The following ULK4 variants were observed in gnomAD, a reference collection of about 807,000 sequenced individuals.
The protein encoded by ULK4 is inactive serine/threonine-protein kinase ULK4.
Under a neutral mutation model 160.6 loss-of-function variants are expected in ULK4, and 133 were observed. That is an observed-to-expected ratio of 0.83 (90% confidence interval 0.72 to 0.96). The LOEUF is 0.96. Among genes scored for constraint, ULK4 ranks in the 40% least tolerant of loss-of-function variants. The pLI is 0.00. For missense variants in ULK4, 1,580 were observed against 1,499.5 expected (o/e 1.05, Z -0.89); for synonymous variants, 534 against 539.8 (o/e 0.99, Z 0.15).
At chr3:41,699,895 T>C (rs2036615940) in intron 27 of ULK4, among the ~76,000 whole-genome samples, 1 of 152,244 alleles carries the variant, frequency 6.6e-6, no homozygotes, top group Non-Finnish European at 1.5e-5. Context: ...ATAATTAGTA[T>C]GCTTGCATTT....
At chr3:41,540,266 T>C (rs11919720) in intron 32 of ULK4, among the ~76,000 whole-genome samples, 77,593 of 151,734 alleles carry the variant, frequency 0.51, 19,945 homozygotes, top group Middle Eastern at 0.57. Context: ...TCAACTCCCA[T>C]TTATGAGTGA....
chr3:41,668,049 G>T (rs928209823), intron 29 of ULK4, among the ~76,000 whole-genome samples: 12 of 152,182 alleles, frequency 7.9e-5, no homozygotes, highest in Non-Finnish European at 4.4e-5. Flanking sequence ...TGAGGTATGT[G>T]ATGAAACAAT....
chr3:41,269,591 G>A (rs1267736560), intron 35 of ULK4, among the ~76,000 whole-genome samples: 1 of 152,198 alleles, frequency 6.6e-6, no homozygotes, highest in Non-Finnish European at 1.5e-5. Flanking sequence ...TGAAACATGA[G>A]TTAAGGTCAT....
At chr3:41,497,889 TA>T (rs1376632798) in intron 32 of ULK4, among the ~76,000 whole-genome samples, 1 of 151,940 alleles carries the variant, frequency 6.6e-6, no homozygotes, top group Non-Finnish European at 1.5e-5. Flanking sequence ...ACTCCATCTC[TA>T]AAAAAATAAT....
At chr3:41,502,457 T>G (rs949394043) in intron 32 of ULK4, among the ~76,000 whole-genome samples, 1 of 152,204 alleles carries the variant, frequency 6.6e-6, no homozygotes, top group East Asian at 1.9e-4. Context: ...AGGTATTTGC[T>G]CAAGAAAAAT....
At chr3:41,276,729 T>A (rs2079234629) in intron 35 of ULK4, among the ~76,000 whole-genome samples, 1 of 152,182 alleles carries the variant, frequency 6.6e-6, no homozygotes, top group Non-Finnish European at 1.5e-5. Flanking sequence ...AAAGAACTCC[T>A]GCAAATCAAT....
intron 27 of ULK4, among the ~76,000 whole-genome samples, chr3:41,683,519 G>C (rs527813144): frequency 1.3e-5 from 2 of 151,442 alleles, no homozygotes; most frequent in East Asian, 2.0e-4. Context: ...GCTACAACTG[G>C]TGAGTTTTTC....
chr3:41,789,647 A>G lies in ULK4; in HGVS notation c.2193+14T>C. The G allele has an allele frequency of 6.5e-7, 1 of 1,549,968 alleles. No homozygotes were observed. Among genetic ancestry groups the G allele is most frequent in the South Asian group, 1.2e-5 (1 of 81,438 alleles). On this transcript the variant is annotated intron_variant, in intron 21 of 36. Coordinates refer to ENST00000301831, the MANE Select transcript of ULK4 (RefSeq NM_017886.4). ...ATTTTTAATGTAGAGTAACAGGTAAAATCTAAGTCAAACCTTTTCTTGGAT... is the reference window on the plus strand; with the variant it reads ...ATTTTTAATGTAGAGTAACAGGTAAGATCTAAGTCAAACCTTTTCTTGGAT...
chr3:41,325,119 A>G (rs2080316330), intron 35 of ULK4, among the ~76,000 whole-genome samples: 1 of 152,200 alleles, frequency 6.6e-6, no homozygotes, highest in Non-Finnish European at 1.5e-5. Flanking sequence ...GATGCTTTAA[A>G]TGATATGTTT....
chr3:41,741,186 A>T (rs2038227140), intron 22 of ULK4, among the ~76,000 whole-genome samples: 2 of 152,032 alleles, frequency 1.3e-5, no homozygotes, highest in South Asian at 4.1e-4. Context: ...CATGCTTATT[A>T]CAACAGCCTA....
At chr3:41,864,844 C>T (rs2042582032) in intron 17 of ULK4, among the ~76,000 whole-genome samples, 1 of 152,166 alleles carries the variant, frequency 6.6e-6, no homozygotes, top group South Asian at 2.1e-4. Context: ...TTCCCTTCCA[C>T]TCATTTTAAG....
intron 32 of ULK4, among the ~76,000 whole-genome samples, chr3:41,482,863 A>G (rs796848972): frequency 1.2e-3 from 180 of 152,156 alleles, no homozygotes; most frequent in African/African-American, 4.0e-3. Context: ...GATTTTTTTA[A>G]TTTTTTAATT....
At chr3:41,410,802 C>T (rs1437818443) in intron 34 of ULK4, among the ~76,000 whole-genome samples, 1 of 152,070 alleles carries the variant, frequency 6.6e-6, no homozygotes, top group Non-Finnish European at 1.5e-5. Context: ...CCACCAGGGA[C>T]AGGGAAAAAT....
intron 32 of ULK4, among the ~76,000 whole-genome samples, chr3:41,539,423 G>A (rs924071527): frequency 2.0e-5 from 3 of 151,996 alleles, no homozygotes; most frequent in Non-Finnish European, 4.4e-5. Context: ...CTCAGACTAT[G>A]AAATCCCTCC....
chr3:41,468,914 A>T (rs1364234437), intron 32 of ULK4, among the ~76,000 whole-genome samples: 1 of 152,220 alleles, frequency 6.6e-6, no homozygotes, highest in Non-Finnish European at 1.5e-5. Flanking sequence ...GGTGTAGTAG[A>T]AAGCCATCAG....
At chr3:41,866,149 C>A (rs1437616199) in intron 17 of ULK4, among the ~76,000 whole-genome samples, 1 of 152,200 alleles carries the variant, frequency 6.6e-6, no homozygotes, top group Non-Finnish European at 1.5e-5. Context: ...GACATGATTT[C>A]CCTCAATTGA....
intron 5 of ULK4, 38 bp downstream of exon 5, chr3:41,931,806 C>T (rs1411820256): frequency 1.2e-6 from 2 of 1,610,112 alleles, no homozygotes; most frequent in Non-Finnish European, 8.5e-7. Context: ...TGGTCCACAA[C>T]TAGAGTTATG....
intron 34 of ULK4, 113 bp downstream of exon 34, chr3:41,455,384 G>T: frequency 3.2e-6 from 3 of 928,538 alleles, no homozygotes; most frequent in Non-Finnish European, 4.7e-6. Flanking sequence ...AGTTCTTTTG[G>T]CTCTAGTTTT....
intron 22 of ULK4, among the ~76,000 whole-genome samples, chr3:41,753,412 A>G (rs2038694404): frequency 6.6e-6 from 1 of 152,200 alleles, no homozygotes; most frequent in Admixed American, 6.5e-5. Flanking sequence ...AAAACCCTGG[A>G]TCTAGAAACA....
Sources: allele counts gnomAD v4.1 joint callset (sites outside exome capture counted in the v4.1 genomes callset), GRCh38; gene constraint gnomAD v4.1.1; transcripts MANE v1.5; gene names NCBI Gene and HGNC (gene_info 2026-07-23, HGNC 2026-07-21).